C10orf71: variants seen among roughly 807,000 people sequenced by gnomAD.
C10orf71 encodes the protein chromosome 10 open reading frame 71.
For synonymous variants in C10orf71, 758 were observed against 726.3 expected, an observed-to-expected ratio of 1.04 and a Z score of -0.70; for missense variants, 1,869 against 1,804.5, an observed-to-expected ratio of 1.04 and a Z score of -0.65.
Position 49,324,572 on chromosome 10 carries a change from T to A in C10orf71, c.2027T>A (p.Val676Glu), listed in dbSNP as rs780406366. 8 of 1,613,912 alleles carry A rather than the reference T, an allele frequency of 5.0e-6. No homozygotes were observed. Among genetic ancestry groups the A allele is most frequent in the South Asian group, 1.1e-5 (1 of 91,066 alleles). Residue 676 changes from valine to glutamate, a missense_variant, in exon 3 of 3, where the codon GTG becomes GAG. Coordinates refer to ENST00000374144, the MANE Select transcript of C10orf71 (RefSeq NM_001135196.2). ...CTAGAGAATGGGCTCTCCAGATCTG[T>A]GTCCCAAGAGACAGAACCTGAGAGG... ...HQLENGLSRS[V>E]SQETEPEREA... is the part of the protein sequence containing the mutation.
In C10orf71 at chr10:49,327,121, T is replaced by G. The variant is rs2132448363; in HGVS notation, c.*268T>G. Reference sequence around the variant, plus strand: ...TCCGTGCCAGTTCCCAGGCGCACTCTACTCCAGCCCTTCTCCCTCCCTCCC... The same window carrying G: ...TCCGTGCCAGTTCCCAGGCGCACTCGACTCCAGCCCTTCTCCCTCCCTCCC... On this transcript the variant is annotated 3_prime_UTR_variant, in exon 3 of 3. Coordinates refer to ENST00000374144, the MANE Select transcript of C10orf71 (RefSeq NM_001135196.2). The G allele has an allele frequency of 8.5e-7, 1 of 1,176,498 alleles. No homozygotes were observed. The highest frequency in any genetic ancestry group is 1.1e-6 in the Non-Finnish European group (1 of 871,336). The allele number at this position is 1,176,498 out of a possible 1,614,324, so 72.9% of individuals were successfully genotyped here.
chr10:49,325,503 G>C lies in C10orf71; in HGVS notation c.2958G>C (p.Lys986Asn), dbSNP rs906075875. ...AAPGLVASNC[K>N]SGSADSGKLA... ...CTGGCCTCGTGGCAAGCAATTGCAAGAGCGGTTCTGCAGACTCAGGGAAGC... is the reference window on the plus strand; with the variant it reads ...CTGGCCTCGTGGCAAGCAATTGCAACAGCGGTTCTGCAGACTCAGGGAAGC... Residue 986 changes from lysine (K) to asparagine (N), a missense_variant, in exon 3 of 3, where the codon AAG becomes AAC. By Grantham distance (94) the Lys-to-Asn change is moderately conservative. Coordinates refer to ENST00000374144, the MANE Select transcript of C10orf71 (RefSeq NM_001135196.2). 7 of 1,550,712 alleles carry C rather than the reference G, an allele frequency of 4.5e-6. No homozygotes were observed. In the African/African-American group the frequency reaches 8.2e-5, roughly 18 times the overall value.
rs140532108 is a variant in C10orf71 at position 49,309,262 on chromosome 10, G to A, written c.-247-6883G>A. Among the ~76,000 whole-genome samples the A allele has an allele frequency of 6.0e-4, 92 of 152,288 alleles. No homozygotes were observed. In the South Asian group the frequency reaches 7.3e-3, roughly 12 times the overall value. ...CAGTGGAATGGTATTAGGAGATGGG[G>A]CCTATGGGAAGTAATTAGGTCATGA... On this transcript the variant is annotated intron_variant, in intron 1 of 2. Transcript: ENST00000374144.
intron 2 of C10orf71, among the ~76,000 whole-genome samples, chr10:49,321,393 T>G (rs1849091175): frequency 6.6e-6 from 1 of 152,218 alleles, no homozygotes; most frequent in Admixed American, 6.5e-5. Context: ...ATTTAAAAAT[T>G]TCCTGCTTCT....
chr10:49,301,213 G>A (rs1848723104), intron 1 of C10orf71, among the ~76,000 whole-genome samples: 1 of 152,216 alleles, frequency 6.6e-6, no homozygotes, highest in Admixed American at 6.5e-5. Context: ...AAAGGGCTTT[G>A]AGAGAAGGCC....
chr10:49,325,531 G>A lies in C10orf71; in HGVS notation c.2986G>A (p.Ala996Thr), dbSNP rs1277226472. 6.4e-7 allele frequency: 1 copy of A among 1,551,054 alleles called. No homozygotes were observed. The highest frequency in any genetic ancestry group is 1.4e-5 in the African/African-American group (1 of 73,048). The change falls in exon 3 of 3, where the codon GCA becomes ACA. Residue 996 changes from alanine to threonine, a missense_variant. Ala to Thr is a moderately conservative substitution (Grantham distance 58). Coordinates refer to ENST00000374144, the MANE Select transcript of C10orf71 (RefSeq NM_001135196.2). ...CGGTTCTGCAGACTCAGGGAAGCTGGCAGCCCCATGGCACATCCCCACCAT... is the reference window on the plus strand; with the variant it reads ...CGGTTCTGCAGACTCAGGGAAGCTGACAGCCCCATGGCACATCCCCACCAT... ...KSGSADSGKL[A>T]APWHIPTIAL...
At chr10:49,307,564 C>T (rs1270209064) in intron 1 of C10orf71, among the ~76,000 whole-genome samples, 4 of 152,226 alleles carry the variant, frequency 2.6e-5, no homozygotes, top group Non-Finnish European at 5.9e-5. Context: ...CAAGTTTAAG[C>T]AGTGCGAGCT....
chr10:49,313,049 C>T (rs904287973), intron 1 of C10orf71, among the ~76,000 whole-genome samples: 4 of 152,142 alleles, frequency 2.6e-5, no homozygotes, highest in African/African-American at 4.8e-5. Flanking sequence ...ACATGGACCC[C>T]GCCACCAATA....
At position 49,325,853 on chromosome 10, in the gene C10orf71, G is replaced by A. The variant is rs1471278386; in HGVS notation, c.3308G>A (p.Ser1103Asn). Reference protein sequence around the residue: ...PNQASPWASSSPARVTRREDL... With the variant: ...PNQASPWASSNPARVTRREDL... ...CAAGCCAGCCCCTGGGCCAGCTCCA[G>A]TCCTGCCAGGGTCACCCGGAGGGAG... Residue 1103 changes from serine to asparagine, a missense_variant, in exon 3 of 3, where the codon AGT (serine) becomes AAT (asparagine). By Grantham distance (46) the Ser-to-Asn change is conservative (BLOSUM62 1). Coordinates refer to ENST00000374144, the MANE Select transcript of C10orf71 (RefSeq NM_001135196.2). The A allele has an allele frequency of 6.4e-7, 1 of 1,550,688 alleles. No individual in the cohort carries two copies. Among genetic ancestry groups the A allele is most frequent in the Non-Finnish European group, 8.7e-7 (1 of 1,146,250 alleles).
At chr10:49,314,024 A>G (rs1848959009) in intron 1 of C10orf71, among the ~76,000 whole-genome samples, 1 of 152,196 alleles carries the variant, frequency 6.6e-6, no homozygotes. Flanking sequence ...GGAAGAGACT[A>G]AACATCCAGA....
intron 1 of C10orf71, among the ~76,000 whole-genome samples, chr10:49,312,980 C>A (rs1848941300): frequency 1.3e-5 from 2 of 152,176 alleles, no homozygotes; most frequent in South Asian, 2.1e-4. Context: ...GAAGGGTTTT[C>A]TCATTTATTT....
At chr10:49,307,239 G>C (rs73307871) in intron 1 of C10orf71, among the ~76,000 whole-genome samples, 1 of 152,250 alleles carries the variant, frequency 6.6e-6, no homozygotes, top group Non-Finnish European at 1.5e-5. Context: ...GAAGCCAAGG[G>C]CACCTCTGAG....
chr10:49,313,411 T>C (rs561722819), intron 1 of C10orf71, among the ~76,000 whole-genome samples: 52 of 152,186 alleles, frequency 3.4e-4, no homozygotes, highest in African/African-American at 1.2e-3. Context: ...TGGAGCAAGG[T>C]GTGTTTGGAA....
At chr10:49,317,437 G>A (rs146600634) in intron 2 of C10orf71, among the ~76,000 whole-genome samples, 92 of 152,238 alleles carry the variant, frequency 6.0e-4, no homozygotes, top group African/African-American at 2.0e-3. Context: ...AAAAAAAATC[G>A]TAACTCTCAT....
chr10:49,324,166 G>C lies in C10orf71; in HGVS notation c.1621G>C (p.Gly541Arg), dbSNP rs762221667. 1 of 1,613,882 alleles carries C rather than the reference G, an allele frequency of 6.2e-7. No homozygotes were observed. Among genetic ancestry groups the C allele is most frequent in the Non-Finnish European group, 8.5e-7 (1 of 1,179,888 alleles). The change falls in exon 3 of 3, where the codon GGT becomes CGT. Residue 541 changes from glycine (G) to arginine (R), a missense_variant. Coordinates refer to ENST00000374144, the MANE Select transcript of C10orf71 (RefSeq NM_001135196.2). The part of the protein sequence containing the change: ...VDGKQEPVSN[G>R]VILPNGLEES... ...TGGAAAGCAAGAACCTGTGAGCAAC[G>C]GTGTCATCCTCCCCAATGGGCTTGA...
intron 1 of C10orf71, among the ~76,000 whole-genome samples, chr10:49,307,568 GC>G: frequency 6.6e-6 from 1 of 152,350 alleles, no homozygotes; most frequent in East Asian, 1.9e-4. Flanking sequence ...TTTAAGCAGT[GC>G]GAGCTCCGGA....
Position 49,323,580 on chromosome 10 carries a change from A to C in C10orf71, c.1035A>C (p.Thr345=). ...GACTTGCAGCAGGGGCTCTGTCCACATCTATACCCTGGGGGTGCAGGGATC... is the reference window on the plus strand; with the variant it reads ...GACTTGCAGCAGGGGCTCTGTCCACCTCTATACCCTGGGGGTGCAGGGATC... ...ENRLAAGALS[T]SIPWGCRDPG... The change falls in exon 3 of 3, where the codon ACA becomes ACC. Residue 345 remains threonine, a synonymous_variant. Coordinates refer to ENST00000374144, the MANE Select transcript of C10orf71 (RefSeq NM_001135196.2). The C allele has an allele frequency of 6.2e-7, 1 of 1,604,564 alleles. No individual in the cohort carries two copies. The highest frequency in any genetic ancestry group is 8.5e-7 in the Non-Finnish European group (1 of 1,175,990).
In C10orf71 at chr10:49,325,728, C is replaced by T. The variant is rs909913986; in HGVS notation, c.3183C>T (p.Ser1061=). The T allele has an allele frequency of 5.2e-6, 8 of 1,551,526 alleles. 1 individual carries two copies. The highest frequency in any genetic ancestry group is 1.7e-4 in the Middle Eastern group (1 of 5,992). ...SERANSPNPG[S]PGESSACSPA... is the part of the protein sequence containing the mutation. ...GGGCGAATTCCCCCAACCCCGGCTC[C>T]CCCGGGGAGAGCAGTGCCTGCTCCC... is the stretch of plus-strand genomic sequence containing the variant. The change falls in exon 3 of 3, where the codon TCC becomes TCT. Residue 1061 remains serine, a synonymous_variant. Coordinates refer to ENST00000374144, the MANE Select transcript of C10orf71 (RefSeq NM_001135196.2).
At chr10:49,316,854 C>A (rs2132420728) in intron 2 of C10orf71, among the ~76,000 whole-genome samples, 1 of 152,266 alleles carries the variant, frequency 6.6e-6, no homozygotes, top group Non-Finnish European at 1.5e-5. Flanking sequence ...TCAGCCCCAC[C>A]AAGACTGAAA....
Sources: gnomAD v4.1 joint callset for allele counts (sites outside exome capture counted in the v4.1 genomes callset) on GRCh38, gnomAD v4.1.1 for gene constraint, MANE v1.5 for transcripts, NCBI Gene and HGNC (gene_info 2026-07-23, HGNC 2026-07-21) for gene names.